The following GLI4 variants were observed in gnomAD, a reference collection of about 807,000 sequenced individuals.
GLI4 encodes the protein GLI family zinc finger 4, also known as zinc finger protein GLI4.
Under a neutral mutation model 30.9 loss-of-function variants are expected in GLI4, and 34 were observed. That is an observed-to-expected ratio of 1.10 (90% CI 0.84 to 1.47). GLI4 has a LOEUF of 1.47. Among genes scored for constraint, GLI4 ranks in the 40% most tolerant of loss-of-function variants. The pLI, the probability that GLI4 is intolerant of heterozygous loss-of-function variation, is 0.00. For missense variants in GLI4, 696 were observed against 538.9 expected (o/e 1.29, Z -2.89); for synonymous variants, 277 against 236.7 (o/e 1.17, Z -1.56).
intron 2 of GLI4, 85 bp from the exon 3 acceptor site, chr8:143,274,619 C>T: frequency 2.9e-6 from 4 of 1,379,300 alleles, no homozygotes; most frequent in Non-Finnish European, 3.9e-6. Context: ...GTCAGGGCCA[C>T]AGCCCGGGAG....
chr8:143,269,614 T>C, intron 2 of GLI4, 94 bp downstream of exon 2: 1 of 1,051,878 alleles, frequency 9.5e-7, no homozygotes, highest in East Asian at 2.4e-5. Flanking sequence ...GCTGGCTGAC[T>C]TGAGAGGCGC....
intron 3 of GLI4, 77 bp downstream of exon 3, chr8:143,274,879 G>T: frequency 6.6e-7 from 1 of 1,505,684 alleles, no homozygotes; most frequent in Non-Finnish European, 8.9e-7. Flanking sequence ...CACCTCTGTG[G>T]CACCCCCAAT....
chr8:143,269,297 C>A, intron 1 of GLI4, 63 bp from the exon 2 acceptor site: 1 of 1,280,676 alleles, frequency 7.8e-7, no homozygotes, highest in Non-Finnish European at 1.1e-6. Flanking sequence ...TTGCCTCCTC[C>A]TGCACCATCC....
In GLI4 at chr8:143,276,612, C is replaced by T. The variant is rs938740751; in HGVS notation, c.939C>T (p.His313=). Residue 313 remains histidine (H), a synonymous_variant, in exon 4 of 4, where the codon CAC becomes CAT. Transcript: ENST00000340042. ...AFIWSSVLIE[H]QRIHTGEKPY... Reference sequence around the variant, plus strand: ...TCTGGAGCTCCGTGCTCATCGAGCACCAGCGCATCCACACTGGCGAGAAGC... The same window carrying T: ...TCTGGAGCTCCGTGCTCATCGAGCATCAGCGCATCCACACTGGCGAGAAGC... The T allele has an allele frequency of 2.5e-6, 4 of 1,612,608 alleles. No individual in the cohort carries two copies. Among genetic ancestry groups the T allele is most frequent in the African/African-American group, 1.3e-5 (1 of 74,864 alleles).
intron 3 of GLI4, chr8:143,275,532 G>T: frequency 7.9e-7 from 1 of 1,263,894 alleles, no homozygotes; most frequent in South Asian, 3.1e-5. Flanking sequence ...GCCCTCTGGA[G>T]CTCTGGCGTC....
chr8:143,274,828 G>A (rs1370038728), intron 3 of GLI4, 26 bp downstream of exon 3: 8 of 1,535,744 alleles, frequency 5.2e-6, no homozygotes, highest in Non-Finnish European at 7.1e-6. Flanking sequence ...CGGGTTACTG[G>A]GGGACCAGAG....
intron 2 of GLI4, 112 bp downstream of exon 2, chr8:143,269,632 C>T (rs1815222053): frequency 1.2e-6 from 1 of 849,396 alleles, no homozygotes; most frequent in Non-Finnish European, 2.0e-6. Flanking sequence ...CGCCTCCAGA[C>T]ACCTGTATGC....
rs139359499 is a variant in GLI4 at position 143,269,781 on chromosome 8, T to A, written c.124+261T>A. Reference sequence around the variant, plus strand: ...ACAGCTCCCCGCATTGTTTCTTTCCTGAGTTGAGGTATAGGAGGGAAAGTG... The same window carrying A: ...ACAGCTCCCCGCATTGTTTCTTTCCAGAGTTGAGGTATAGGAGGGAAAGTG... On this transcript the variant is annotated intron_variant, in intron 2 of 3. Coordinates refer to ENST00000340042, the MANE Select transcript of GLI4 (RefSeq NM_138465.4). Among the ~76,000 whole-genome samples, 18 of 152,320 alleles carry A rather than the reference T, an allele frequency of 1.2e-4. 2 individuals are homozygous for A. The highest frequency in any genetic ancestry group is 4.3e-4 in the African/African-American group (18 of 41,570).
chr8:143,276,097 G>A lies in GLI4; in HGVS notation c.424G>A (p.Ala142Thr), dbSNP rs1256062585. ...CGTCCCTTGCGCCCAGCCGCGGGGC[G>A]CCTGGCGCGTGACGCTCGTGCAGCA... ...GAVPCAQPRG[A>T]WRVTLVQQAA... The change falls in exon 4 of 4, where the codon GCC becomes ACC. Residue 142 changes from alanine to threonine, a missense_variant. Ala to Thr is a moderately conservative substitution (Grantham distance 58, BLOSUM62 0). Coordinates refer to ENST00000340042, the MANE Select transcript of GLI4 (RefSeq NM_138465.4). 4.2e-6 allele frequency: 6 copies of A among 1,421,922 alleles called. No individual in the cohort carries two copies. The Admixed American group carries it at 1.4e-4, about 33-fold the overall frequency. 88.1% of individuals were successfully genotyped at this position (1,421,922 alleles called of 1,614,324 possible). A position where few individuals can be genotyped will look rare whatever the true frequency, so the allele number is the denominator to read the frequency against.
rs764677349 is a variant in GLI4, at chr8:143,276,481, G to A, written c.808G>A (p.Gly270Ser). 4 of 1,612,680 alleles carry A rather than the reference G, an allele frequency of 2.5e-6. No individual in the cohort carries two copies. The highest frequency in any genetic ancestry group is 1.7e-5 in the Admixed American group (1 of 59,970). ...CAACGGCGAGAAGCCCTACAAGTGC[G>A]GCGAGTGCGGCCAGGCCTTCAGCCA... Reference protein sequence around the residue: ...IHNGEKPYKCGECGQAFSQSS... With the variant: ...IHNGEKPYKCSECGQAFSQSS... The change falls in exon 4 of 4, where the codon GGC (glycine) becomes AGC (serine). Residue 270 changes from glycine to serine, a missense_variant. Physicochemically the swap from Gly to Ser is moderately conservative, Grantham distance 56. Transcript: ENST00000340042.
chr8:143,276,835 C>T lies in GLI4; in HGVS notation c.*31C>T, dbSNP rs749539336. ...CGGGGGCTCGGGGCTCGGCCTCCTA[C>T]CTGCCCCCAACCCACCCTCCACCCC... On this transcript the variant is annotated 3_prime_UTR_variant, in exon 4 of 4. Coordinates refer to ENST00000340042, the MANE Select transcript of GLI4 (RefSeq NM_138465.4). 9 of 1,406,046 alleles carry T rather than the reference C, an allele frequency of 6.4e-6. No individual in the cohort carries two copies. Among genetic ancestry groups the T allele is most frequent in the Non-Finnish European group, 8.6e-6 (9 of 1,044,704 alleles). 87.1% of individuals were successfully genotyped at this position (1,406,046 alleles called of 1,614,324 possible).
chr8:143,272,864 T>G (rs1423082689), intron 2 of GLI4, among the ~76,000 whole-genome samples: 1 of 152,124 alleles, frequency 6.6e-6, no homozygotes, highest in Non-Finnish European at 1.5e-5. Context: ...CCATCCTGAG[T>G]CGGCTTGTTC....
Position 143,275,942 on chromosome 8 carries a change from A to G in GLI4, c.269A>G (p.Gln90Arg). 3 of 1,330,542 alleles carry G rather than the reference A, an allele frequency of 2.3e-6. No homozygotes were observed. The highest frequency in any genetic ancestry group is 4.1e-5 in the South Asian group (2 of 49,268). 82.4% of individuals were successfully genotyped at this position (1,330,542 alleles called of 1,614,324 possible). A position where few individuals can be genotyped will look rare whatever the true frequency, so the allele number is the denominator to read the frequency against. The part of the protein sequence containing the change: ...PEQAPRSPGS[Q>R]APDEGAGGAL... ...CAGGCTCCACGCTCTCCTGGCTCTC[A>G]GGCCCCTGACGAGGGGGCGGGCGGG... The change falls in exon 4 of 4, where the codon CAG becomes CGG. Residue 90 changes from glutamine to arginine, a missense_variant. Transcript: ENST00000340042.
rs1815391089 is a variant in GLI4, at chr8:143,276,470, C to G, written c.797C>G (p.Pro266Arg). The stretch of plus-strand genomic sequence containing the variant: ...CTGCGCATCCACAACGGCGAGAAGC[C>G]CTACAAGTGCGGCGAGTGCGGCCAG... Reference protein sequence around the residue: ...QHLRIHNGEKPYKCGECGQAF... With the variant: ...QHLRIHNGEKRYKCGECGQAF... The change falls in exon 4 of 4, where the codon CCC becomes CGC. Residue 266 changes from proline (P) to arginine (R), a missense_variant. Transcript: ENST00000340042. 5.0e-6 allele frequency: 8 copies of G among 1,613,088 alleles called. No individual in the cohort carries two copies. Among genetic ancestry groups the G allele is most frequent in the Non-Finnish European group, 6.8e-6 (8 of 1,179,846 alleles).
Position 143,276,772 on chromosome 8 carries a change from A to G in GLI4, c.1099A>G (p.Ile367Val). Residue 367 changes from isoleucine (I) to valine (V), a missense_variant, in exon 4 of 4, where the codon ATC becomes GTC. Physicochemically the swap from Ile to Val is conservative, Grantham distance 29. Transcript: ENST00000340042. ...GGCCTTCGGCCAGAGCTCCCAGCTC[A>G]TCCAGCACCAGCGGGTGCACTACCG... is the stretch of plus-strand genomic sequence containing the variant. The part of the protein sequence containing the change: ...GKAFGQSSQL[I>V]QHQRVHYRE The G allele has an allele frequency of 1.3e-6, 2 of 1,595,876 alleles. No individual in the cohort carries two copies. The highest frequency in any genetic ancestry group is 1.7e-6 in the Non-Finnish European group (2 of 1,171,676).
At position 143,274,813 on chromosome 8, in the gene GLI4, A is replaced by C. The variant is rs781142501; in HGVS notation, c.223+11A>C. On this transcript the variant is annotated intron_variant, in intron 3 of 3. Coordinates refer to ENST00000340042, the MANE Select transcript of GLI4 (RefSeq NM_138465.4). The stretch of plus-strand genomic sequence containing the variant: ...ACACCTTCTGGCCCGGTGAGTGAGC[A>C]GAATCGGGTTACTGGGGGACCAGAG... 4.5e-6 allele frequency: 7 copies of C among 1,546,846 alleles called. No individual in the cohort carries two copies. The East Asian group carries it at 1.7e-4, about 38-fold the overall frequency.
intron 1 of GLI4, 191 bp downstream of exon 1, chr8:143,267,675 A>G (rs1038583833): frequency 9.4e-5 from 93 of 984,984 alleles, no homozygotes; most frequent in Non-Finnish European, 1.1e-4. Flanking sequence ...GCGGAGCAGC[A>G]GCGGACCGCC....
At chr8:143,268,855 GC>G (rs1474318635) in intron 1 of GLI4, among the ~76,000 whole-genome samples, 24 of 148,084 alleles carry the variant, frequency 1.6e-4, no homozygotes, top group Non-Finnish European at 2.5e-4. Context: ...TGCTGCTGCT[GC>G]TGCTGTTGTT....
intron 2 of GLI4, chr8:143,274,403 G>A (rs572411391): frequency 5.4e-4 from 129 of 238,890 alleles, no homozygotes; most frequent in African/African-American, 1.8e-3. Context: ...TGACAAAGCC[G>A]CCTTCAACGG....
Sources: gnomAD v4.1 joint callset for allele counts (sites outside exome capture counted in the v4.1 genomes callset) on GRCh38, gnomAD v4.1.1 for gene constraint, MANE v1.5 for transcripts, NCBI Gene and HGNC (gene_info 2026-07-23, HGNC 2026-07-21) for gene names.